SNX30: variants seen among roughly 807,000 people sequenced by gnomAD.
The protein encoded by SNX30 is sorting nexin family member 30.
A neutral mutation model predicts 46.4 loss-of-function variants in SNX30; 24 were observed. The ratio of observed to expected loss-of-function variants is 0.52; its 90% confidence interval spans 0.37 to 0.73. The LOEUF is 0.73. Ranked by LOEUF, SNX30 falls within the 30% of genes least tolerant of loss-of-function variation. SNX30 has a pLI of 0.00. For synonymous variants in SNX30, 189 were observed against 211.5 expected (o/e 0.89, Z 0.92); for missense variants, 533 against 555.7 (o/e 0.96, Z 0.41).
intron 1 of SNX30, among the ~76,000 whole-genome samples, chr9:112,793,558 C>G (rs375138585): frequency 1.3e-5 from 2 of 152,214 alleles, no homozygotes; most frequent in African/African-American, 4.8e-5. Flanking sequence ...ATCACACTTT[C>G]AAATTAGCGT....
chr9:112,866,892 TCC>T (rs1841356657), intron 8 of SNX30, among the ~76,000 whole-genome samples: 2 of 61,348 alleles, frequency 3.3e-5, no homozygotes, highest in African/African-American at 7.0e-5. Context: ...GAACTCCTCC[TCC>T]CTCCTCAGAA....
intron 1 of SNX30, among the ~76,000 whole-genome samples, chr9:112,775,862 C>T (rs1392571654): frequency 6.8e-6 from 1 of 146,838 alleles, no homozygotes; most frequent in Non-Finnish European, 1.5e-5. Flanking sequence ...TAGTTCTTGG[C>T]GATTGTTCCA....
At chr9:112,810,838 C>T (rs1408231810) in intron 2 of SNX30, among the ~76,000 whole-genome samples, 1 of 152,042 alleles carries the variant, frequency 6.6e-6, no homozygotes, top group Non-Finnish European at 1.5e-5. Context: ...GGATGTATGT[C>T]ACTGGATGGC....
chr9:112,864,262 G>A lies in SNX30; in HGVS notation c.1117G>A (p.Glu373Lys), dbSNP rs1159380755. 3.7e-6 allele frequency: 6 copies of A among 1,614,030 alleles called. No individual in the cohort carries two copies. Among genetic ancestry groups the A allele is most frequent in the Non-Finnish European group, 4.2e-6 (5 of 1,179,992 alleles). The change falls in exon 8 of 9, where the codon GAG (glutamate) becomes AAG (lysine). Residue 373 changes from glutamate (E) to lysine (K), a missense_variant. Glu to Lys is a moderately conservative substitution (Grantham distance 56). Coordinates refer to ENST00000374232, the MANE Select transcript of SNX30 (RefSeq NM_001012994.2). ...CCTTTTCCAGGTACCGGCGGACGTC[G>A]AGAAATGTCAGGATCGGATGGAGTG... The part of the protein sequence containing the change: ...EDRPKVPADV[E>K]KCQDRMECFN...
Position 112,804,859 on chromosome 9 carries a change from T to G in SNX30, c.240T>G (p.Leu80=), listed in dbSNP as rs913917690. The G allele has an allele frequency of 5.0e-6, 8 of 1,613,916 alleles. No homozygotes were observed. The highest frequency in any genetic ancestry group is 6.8e-6 in the Non-Finnish European group (8 of 1,179,974). ...SSSSLLNRLQ[L]DDDIDGETRD... ...CTTCCCTTCTCAACAGACTTCAGCT[T>G]GATGATGATATTGATGGTGAGACTA... The change falls in exon 2 of 9, where the codon CTT becomes CTG. Residue 80 remains leucine, a synonymous_variant. Coordinates refer to ENST00000374232, the MANE Select transcript of SNX30 (RefSeq NM_001012994.2).
At chr9:112,771,267 T>C (rs544953860) in intron 1 of SNX30, among the ~76,000 whole-genome samples, 13 of 152,332 alleles carry the variant, frequency 8.5e-5, no homozygotes, top group African/African-American at 2.6e-4. Flanking sequence ...GGACCCGTGC[T>C]AAATGCTGTG....
intron 8 of SNX30, among the ~76,000 whole-genome samples, chr9:112,865,576 A>T (rs1162658323): frequency 1.4e-5 from 2 of 145,082 alleles, no homozygotes; most frequent in Non-Finnish European, 3.0e-5. Flanking sequence ...ATGATTGTGC[A>T]CTACTGTACT....
At chr9:112,820,530 A>G (rs1459818427) in intron 3 of SNX30, among the ~76,000 whole-genome samples, 3 of 152,232 alleles carry the variant, frequency 2.0e-5, no homozygotes, top group East Asian at 1.9e-4. Context: ...TTTTTAAGAA[A>G]GGATTTATTG....
chr9:112,877,225 A>G (rs1308533186), downstream of SNX30: 3 of 152,344 alleles, frequency 2.0e-5, no homozygotes, highest in East Asian at 3.9e-4. Context: ...CCCTGGTGAC[A>G]GCTGGAGTTG....
At chr9:112,773,353 A>C (rs1227744560) in intron 1 of SNX30, among the ~76,000 whole-genome samples, 3 of 152,160 alleles carry the variant, frequency 2.0e-5, no homozygotes, top group Non-Finnish European at 4.4e-5. Context: ...CATAACTCAT[A>C]TGAACAACAT....
rs201835479 is a variant in SNX30 at position 112,836,262 on chromosome 9, G to T, written c.667G>T (p.Gly223Cys). 4 of 1,611,800 alleles carry T rather than the reference G, an allele frequency of 2.5e-6. No homozygotes were observed. The highest frequency in any genetic ancestry group is 2.7e-5 in the African/African-American group (2 of 75,030). Residue 223 changes from glycine (G) to cysteine (C), a missense_variant, in exon 5 of 9, where the codon GGC becomes TGC. This residue lies in a region of SNX30 where 261 missense variants were observed against 270.9 expected (regional missense o/e 0.96). Coordinates refer to ENST00000374232, the MANE Select transcript of SNX30 (RefSeq NM_001012994.2). ...AGGGATAGCATTGCTGACCAGAATG[G>T]GCGAGTCAGTCAAGCACGTCACTGG... Reference protein sequence around the residue: ...KQGIALLTRMGESVKHVTGGY... With the variant: ...KQGIALLTRMCESVKHVTGGY...
chr9:112,880,322 T>A (rs1425682069), exon 5 of SNX30: 1 of 91,318 alleles, frequency 1.1e-5, no homozygotes, highest in Non-Finnish European at 2.1e-5. Context: ...CAGACTGAGA[T>A]TCTGTCTCAA....
chr9:112,855,228 A>T (rs914641114), intron 7 of SNX30, among the ~76,000 whole-genome samples: 25 of 149,914 alleles, frequency 1.7e-4, no homozygotes, highest in East Asian at 4.0e-4. Context: ...TTTTTTTTTT[A>T]AAAAGCCAGG....
At chr9:112,769,280 C>T (rs1374971894) in intron 1 of SNX30, among the ~76,000 whole-genome samples, 2 of 152,220 alleles carry the variant, frequency 1.3e-5, no homozygotes, top group South Asian at 2.1e-4. Context: ...ACATTGAGGT[C>T]GTTTCTGTCT....
At position 112,848,731 on chromosome 9, in the gene SNX30, T is replaced by C. The variant is rs144326836; in HGVS notation, c.1015-2128T>C. On this transcript the variant is annotated intron_variant, in intron 6 of 8. Transcript: ENST00000374232. The stretch of plus-strand genomic sequence containing the variant: ...GGATAACACTGAGAGACAGAGACCC[T>C]GCCTCTCCTGTGGGCCAGGGCAGGC... 9.5e-3 allele frequency among the ~76,000 whole-genome samples: 1,454 copies of C among 152,302 alleles called. 8 individuals are homozygous for C. The highest frequency in any genetic ancestry group is 0.024 in the Middle Eastern group (7 of 294).
intron 3 of SNX30, among the ~76,000 whole-genome samples, chr9:112,822,379 G>C (rs970236361): frequency 1.9e-4 from 29 of 152,082 alleles, no homozygotes; most frequent in African/African-American, 7.0e-4. Flanking sequence ...TTTTTTTAAA[G>C]CTTTTTTGAG....
intron 2 of SNX30, among the ~76,000 whole-genome samples, chr9:112,816,983 A>G (rs12554659): frequency 6.6e-6 from 1 of 152,148 alleles, no homozygotes; most frequent in South Asian, 2.1e-4. Context: ...AAAAATTGAG[A>G]AAAAGGGATG....
At position 112,804,830 on chromosome 9, in the gene SNX30, T is replaced by C; in HGVS notation, c.211T>C (p.Ser71Pro). 1 of 1,613,994 alleles carries C rather than the reference T, an allele frequency of 6.2e-7. No individual in the cohort carries two copies. Among genetic ancestry groups the C allele is most frequent in the Non-Finnish European group, 8.5e-7 (1 of 1,179,880 alleles). The part of the protein sequence containing the change: ...TPAGTSSPAS[S>P]SSLLNRLQLD... The stretch of plus-strand genomic sequence containing the variant: ...AGCAGGTACTTCAAGTCCAGCTTCT[T>C]CATCTTCCCTTCTCAACAGACTTCA... Residue 71 changes from serine (S) to proline (P), a missense_variant, in exon 2 of 9, where the codon TCA becomes CCA. Ser to Pro is a moderately conservative substitution (Grantham distance 74). This residue lies in a region of SNX30 where 191 missense variants were observed against 160.3 expected (regional missense o/e 1.19). Transcript: ENST00000374232.
chr9:112,784,800 C>T (rs1839895825), intron 1 of SNX30, among the ~76,000 whole-genome samples: 2 of 152,190 alleles, frequency 1.3e-5, no homozygotes, highest in Non-Finnish European at 2.9e-5. Flanking sequence ...GGTCAAACCT[C>T]CCTCTCTGAA....
Sources: gnomAD v4.1 joint callset for allele counts (sites outside exome capture counted in the v4.1 genomes callset) on GRCh38, gnomAD v4.1.1 for gene constraint, gnomAD v4.1.1 regional missense constraint, MANE v1.5 for transcripts, NCBI Gene and HGNC (gene_info 2026-07-23, HGNC 2026-07-21) for gene names.